Variants in PRICKLE1 observed in about 807,000 individuals in gnomAD.
PRICKLE1 encodes the protein prickle planar cell polarity protein 1.
In PRICKLE1, 14 loss-of-function variants were observed where a neutral mutation model predicts 70.2. The observed-to-expected ratio is 0.20, with a 90% CI of 0.13 to 0.31. PRICKLE1 has a LOEUF of 0.31. Ranked by LOEUF, PRICKLE1 falls within the 10% of genes least tolerant of loss-of-function variation. The probability of loss-of-function intolerance (pLI) is 1.00; values close to 1 mark genes in which losing one functional copy is unlikely to be tolerated. For synonymous variants in PRICKLE1, 357 were observed against 379.9 expected (o/e 0.94, Z 0.70); for missense variants, 821 against 1,026.2 (o/e 0.80, Z 2.73).
chr12:42,519,357 C>G (rs529336130), intron 1 of PRICKLE1, among the ~76,000 whole-genome samples: 1 of 151,738 alleles, frequency 6.6e-6, no homozygotes, highest in African/African-American at 2.4e-5. Flanking sequence ...CCACCATGCC[C>G]GGCTAATTTT....
intron 1 of PRICKLE1, among the ~76,000 whole-genome samples, chr12:42,479,614 G>A (rs1443897572): frequency 6.6e-6 from 1 of 152,150 alleles, no homozygotes; most frequent in Non-Finnish European, 1.5e-5. Flanking sequence ...TCTGGGGAAT[G>A]CCAAAAGGAG....
At chr12:42,461,677 T>G (rs1937841845) in intron 7 of PRICKLE1, among the ~76,000 whole-genome samples, 2 of 152,222 alleles carry the variant, frequency 1.3e-5, no homozygotes, top group African/African-American at 4.8e-5. Flanking sequence ...AATCTTCTAT[T>G]GAAACATTTA....
chr12:42,461,531 T>G (rs545368947), intron 7 of PRICKLE1, among the ~76,000 whole-genome samples: 1 of 152,314 alleles, frequency 6.6e-6, no homozygotes, highest in African/African-American at 2.4e-5. Context: ...GTGGCAGAGC[T>G]AAGTAGTCAC....
At position 42,586,270 on chromosome 12, in the gene PRICKLE1, C is replaced by T. The variant is rs368587108; in HGVS notation, c.-49+3195G>A. On this transcript the variant is annotated intron_variant, in intron 1 of 7. Coordinates refer to ENST00000345127, the MANE Select transcript of PRICKLE1 (RefSeq NM_153026.3). ...GGGTTAAACAGTTGGTATTATTTTA[C>T]ATAACATGGAGATGAGAGAGACAGC... Among the ~76,000 whole-genome samples, 124 of 152,250 alleles carry T rather than the reference C, an allele frequency of 8.1e-4. 2 individuals are homozygous for T. In the South Asian group the frequency reaches 0.025, roughly 30 times the overall value.
Position 42,460,584 on chromosome 12 carries a change from C to A in PRICKLE1, c.1721G>T (p.Cys574Phe). The change falls in exon 8 of 8, where the codon TGT becomes TTT. Residue 574 changes from cysteine to phenylalanine, a missense_variant. Cys to Phe is a radical substitution (Grantham distance 205). Transcript: ENST00000345127. ...AGTTCCCATATTGCTCATCTTCTCA[C>A]AATCTTCTGTTTCCATCTCCTCAAA... ...QNFEEMETEDCEKMSNMGTLN... is the reference protein window; with the variant it reads ...QNFEEMETEDFEKMSNMGTLN... The A allele has an allele frequency of 6.2e-7, 1 of 1,613,976 alleles. No homozygotes were observed. Among genetic ancestry groups the A allele is most frequent in the East Asian group, 2.2e-5 (1 of 44,882 alleles).
At chr12:42,545,603 C>G (rs1940193310) in intron 1 of PRICKLE1, among the ~76,000 whole-genome samples, 1 of 152,190 alleles carries the variant, frequency 6.6e-6, no homozygotes. Flanking sequence ...AATCCCAACA[C>G]TTTGGGAGGC....
At chr12:42,534,790 A>C (rs1267954469) in intron 1 of PRICKLE1, among the ~76,000 whole-genome samples, 5 of 152,070 alleles carry the variant, frequency 3.3e-5, no homozygotes, top group African/African-American at 7.2e-5. Context: ...ACTAAAAAAA[A>C]CCCCAAAGAA....
chr12:42,499,301 G>T (rs1038876332), intron 1 of PRICKLE1, among the ~76,000 whole-genome samples: 1 of 152,190 alleles, frequency 6.6e-6, no homozygotes, highest in Non-Finnish European at 1.5e-5. Flanking sequence ...TGACACCAAA[G>T]CTGATGCTCT....
chr12:42,569,562 A>G (rs1940674824), intron 1 of PRICKLE1, among the ~76,000 whole-genome samples: 1 of 152,224 alleles, frequency 6.6e-6, no homozygotes, highest in Admixed American at 6.5e-5. Context: ...ATATACCAGT[A>G]ATCTTTTTCA....
intron 1 of PRICKLE1, among the ~76,000 whole-genome samples, chr12:42,515,491 C>T (rs1232542298): frequency 6.6e-6 from 1 of 152,170 alleles, no homozygotes; most frequent in East Asian, 1.9e-4. Flanking sequence ...ACCCGTCTCC[C>T]AAAGTGCTGG....
chr12:42,548,060 T>G (rs1369205301), intron 1 of PRICKLE1, among the ~76,000 whole-genome samples: 1 of 152,172 alleles, frequency 6.6e-6, no homozygotes, highest in Non-Finnish European at 1.5e-5. Context: ...TTGTTTTGTG[T>G]TTTTTAATAG....
At chr12:42,503,001 C>T (rs948495728) in intron 1 of PRICKLE1, among the ~76,000 whole-genome samples, 15 of 152,200 alleles carry the variant, frequency 9.9e-5, no homozygotes, top group East Asian at 1.9e-4. Flanking sequence ...AAAATGTAAA[C>T]GGAAACATAT....
Position 42,460,537 on chromosome 12 carries a change from T to G in PRICKLE1, c.1768A>C (p.Arg590=), listed in dbSNP as rs757362404. The G allele has an allele frequency of 6.2e-7, 1 of 1,614,174 alleles. No individual in the cohort carries two copies. Among genetic ancestry groups the G allele is most frequent in the Non-Finnish European group, 8.5e-7 (1 of 1,180,002 alleles). Reference sequence around the variant, plus strand: ...AGACTCTTTAAGGACTCTGCACTCCTGTGCAGCATGGAAGAGTTCAAAGTT... The same window carrying G: ...AGACTCTTTAAGGACTCTGCACTCCGGTGCAGCATGGAAGAGTTCAAAGTT... ...MGTLNSSMLH[R]SAESLKSLSS... The change falls in exon 8 of 8, where the codon AGG becomes CGG. Residue 590 remains arginine (R), a synonymous_variant. Coordinates refer to ENST00000345127, the MANE Select transcript of PRICKLE1 (RefSeq NM_153026.3).
Position 42,465,043 on chromosome 12 carries a change from G to A in PRICKLE1, c.991C>T (p.Arg331Ter). The stretch of plus-strand genomic sequence containing the variant: ...CTCTTGCCCATTCGGACACTTCTTC[G>A]GGAGTCTCTTGATCGAGCTGACTGA... ...AFQSARSRDS[R>*]RSVRMGKSSR... The change falls in exon 7 of 8, where the codon CGA becomes TGA. Residue 331 changes from arginine to a stop codon, truncating the protein, a stop_gained. Coordinates refer to ENST00000345127, the MANE Select transcript of PRICKLE1 (RefSeq NM_153026.3). LOFTEE classifies it high-confidence loss of function. 1 of 1,588,200 alleles carries A rather than the reference G, an allele frequency of 6.3e-7. No individual in the cohort carries two copies. The highest frequency in any genetic ancestry group is 8.6e-7 in the Non-Finnish European group (1 of 1,168,816).
chr12:42,464,672 C>T lies in PRICKLE1; in HGVS notation c.1362G>A (p.Glu454=), dbSNP rs1025753335. ...ISDNMVKSKT[E]LKQNNQSLAS... ...CAAGGCTCTGGTTATTTTGCTTTAA[C>T]TCGGTCTTACTTTTAACCATGTTAT... Residue 454 remains glutamate, a synonymous_variant, in exon 7 of 8, where the codon GAG becomes GAA. Transcript: ENST00000345127. This position sits in a 1 kb window ranked among gnomAD's most constrained non-coding sequence, Gnocchi z 4.2. 1 of 1,614,066 alleles carries T rather than the reference C, an allele frequency of 6.2e-7. No homozygotes were observed. Among genetic ancestry groups the T allele is most frequent in the East Asian group, 2.2e-5 (1 of 44,876 alleles).
intron 1 of PRICKLE1, among the ~76,000 whole-genome samples, chr12:42,513,106 C>T (rs184239388): frequency 3.9e-5 from 6 of 152,182 alleles, no homozygotes; most frequent in South Asian, 2.1e-4. Flanking sequence ...ACATTACAGG[C>T]GCCTGCCACC....
intron 1 of PRICKLE1, among the ~76,000 whole-genome samples, chr12:42,583,610 A>T (rs534661188): frequency 2.6e-5 from 4 of 152,326 alleles, no homozygotes; most frequent in Non-Finnish European, 4.4e-5. Context: ...CATCCCTAGC[A>T]GCATAGGCTA....
chr12:42,535,457 T>A (rs931667274), intron 1 of PRICKLE1, among the ~76,000 whole-genome samples: 1 of 151,670 alleles, frequency 6.6e-6, no homozygotes, highest in Admixed American at 6.6e-5. Context: ...TAGAGGAAAC[T>A]GATATGAGGG....
intron 1 of PRICKLE1, among the ~76,000 whole-genome samples, chr12:42,474,204 G>A (rs955250063): frequency 6.6e-6 from 1 of 152,148 alleles, no homozygotes; most frequent in African/African-American, 2.4e-5. Context: ...ACCGGGAGGC[G>A]GAGGTTGCAG....
Sources: allele counts gnomAD v4.1 joint callset (sites outside exome capture counted in the v4.1 genomes callset), GRCh38; gene constraint gnomAD v4.1.1; non-coding constraint Gnocchi (gnomAD v3.1); transcripts MANE v1.5; gene names NCBI Gene and HGNC (gene_info 2026-07-23, HGNC 2026-07-21).